MYO6: variants seen among roughly 807,000 people sequenced by gnomAD.
MYO6 encodes the protein unconventional myosin-VI.
A neutral mutation model predicts 178.7 loss-of-function variants in MYO6; 74 were observed. That is an observed-to-expected ratio of 0.41 (90% CI 0.34 to 0.50). The LOEUF (loss-of-function observed/expected upper bound fraction) is 0.50, where lower values mean the gene tolerates loss of function less well. Among genes scored for constraint, MYO6 ranks in the 20% least tolerant of loss-of-function variants. The pLI is 0.09. For synonymous variants in MYO6, 477 were observed against 504.6 expected (o/e 0.95, Z 0.73); for missense variants, 1,330 against 1,547.4 (o/e 0.86, Z 2.36).
chr6:75,783,298 G>A (rs970380074), intron 1 of MYO6, among the ~76,000 whole-genome samples: 3 of 152,132 alleles, frequency 2.0e-5, no homozygotes, highest in African/African-American at 7.2e-5. Context: ...TTGGGAAATA[G>A]CCTATAGGCA....
At chr6:75,860,947 T>C in intron 14 of MYO6, 76 bp from the exon 15 acceptor site, 1 of 1,093,278 alleles carries the variant, frequency 9.1e-7, no homozygotes, top group Non-Finnish European at 1.4e-6. Flanking sequence ...TTAGCAAATG[T>C]TATGTTCAGA....
Position 75,916,978 on chromosome 6 carries a change from A to G in MYO6, c.*1966A>G, listed in dbSNP as rs1781156175. The G allele has an allele frequency of 6.6e-6, 1 of 152,228 alleles. No individual in the cohort carries two copies. The highest frequency in any genetic ancestry group is 1.9e-4 in the East Asian group (1 of 5,188). The allele number at this position is 152,228 out of a possible 1,614,324, so 9.4% of individuals were successfully genotyped here. A position where few individuals can be genotyped will look rare whatever the true frequency, so the allele number is the denominator to read the frequency against. ...CACACAGCTGTCCTAGAACTTATCTATTTAAAATAGTTTCCTGAGTTAATT... is the reference window on the plus strand; with the variant it reads ...CACACAGCTGTCCTAGAACTTATCTGTTTAAAATAGTTTCCTGAGTTAATT... On this transcript the variant is annotated 3_prime_UTR_variant, in exon 35 of 35. Coordinates refer to ENST00000369977, the MANE Select transcript of MYO6 (RefSeq NM_004999.4).
rs201810172 is a variant in MYO6 at position 75,817,682 on chromosome 6, A to T, written c.117+18A>T. 4.4e-6 allele frequency: 7 copies of T among 1,598,008 alleles called. No individual in the cohort carries two copies. Among genetic ancestry groups the T allele is most frequent in the South Asian group, 1.1e-5 (1 of 90,714 alleles). ...AAGGCAAGGTGAGTTTCTCAGAAAG[A>T]TGTTGAAATATGATTTCTTTCAAAA... On this transcript the variant is annotated intron_variant, in intron 2 of 34. Coordinates refer to ENST00000369977, the MANE Select transcript of MYO6 (RefSeq NM_004999.4).
intron 10 of MYO6, among the ~76,000 whole-genome samples, chr6:75,846,027 A>C (rs1774701247): frequency 6.6e-6 from 1 of 151,734 alleles, no homozygotes; most frequent in South Asian, 2.1e-4. Context: ...GTTCTGTTTA[A>C]AACATCATAT....
chr6:75,836,830 G>T (rs573094175), intron 7 of MYO6, among the ~76,000 whole-genome samples: 2 of 152,164 alleles, frequency 1.3e-5, no homozygotes, highest in South Asian at 2.1e-4. Flanking sequence ...TGATCCACCC[G>T]CCTTGGCCTC....
At chr6:75,775,297 T>TAAGAGC (rs1468896424) in intron 1 of MYO6, among the ~76,000 whole-genome samples, 6 of 152,150 alleles carry the variant, frequency 3.9e-5, no homozygotes, top group Non-Finnish European at 7.3e-5. Context: ...GCTGAGCAAA[T>TAAGAGC]TCTTCCATAG....
rs1781260324 is a variant in MYO6 at position 75,918,660 on chromosome 6, C to A, written c.*3648C>A. ...AGTAGCACCTACTCTGCTGGGAGCA[C>A]TTCTCTGAGTACGCTTTAGTTCAAT... On this transcript the variant is annotated 3_prime_UTR_variant, in exon 35 of 35. Coordinates refer to ENST00000369977, the MANE Select transcript of MYO6 (RefSeq NM_004999.4). 6.6e-6 allele frequency: 1 copy of A among 152,232 alleles called. No individual in the cohort carries two copies. Among genetic ancestry groups the A allele is most frequent in the African/African-American group, 2.4e-5 (1 of 41,454 alleles). 9.4% of individuals were successfully genotyped at this position (152,232 alleles called of 1,614,324 possible).
intron 30 of MYO6, among the ~76,000 whole-genome samples, chr6:75,898,615 C>T (rs1429154719): frequency 6.6e-6 from 1 of 152,202 alleles, no homozygotes; most frequent in Non-Finnish European, 1.5e-5. Flanking sequence ...CCTTCAAAGT[C>T]ATGGGGATAC....
At chr6:75,829,815 A>G (rs1772890758) in intron 4 of MYO6, among the ~76,000 whole-genome samples, 1 of 152,220 alleles carries the variant, frequency 6.6e-6, no homozygotes, top group Admixed American at 6.5e-5. Flanking sequence ...TTTAACCCAT[A>G]AATGTTCTAG....
In MYO6 at chr6:75,914,783, T is replaced by G. The variant is rs776611146; in HGVS notation, c.3659-30T>G. 4.4e-6 allele frequency: 7 copies of G among 1,602,798 alleles called. No individual in the cohort carries two copies. In the East Asian group the frequency reaches 8.9e-5, roughly 20 times the overall value. ...TAAGAAATGGTCCTGAAGAGAGAGA[T>G]GGTAATTTTCTGATATCTCATGAAT... On this transcript the variant is annotated intron_variant, in intron 34 of 34. Transcript: ENST00000369977.
chr6:75,844,132 T>C (rs1774505521), intron 9 of MYO6, among the ~76,000 whole-genome samples: 1 of 152,174 alleles, frequency 6.6e-6, no homozygotes, highest in South Asian at 2.1e-4. Context: ...ATAGCAAATA[T>C]GTTCATTCAC....
chr6:75,874,744 C>G (rs1777437324), intron 20 of MYO6, among the ~76,000 whole-genome samples: 1 of 152,188 alleles, frequency 6.6e-6, no homozygotes, highest in Non-Finnish European at 1.5e-5. Context: ...TCTCTTACAG[C>G]TACCTCTTCC....
chr6:75,788,251 C>G (rs867303850), intron 1 of MYO6, among the ~76,000 whole-genome samples: 6 of 151,326 alleles, frequency 4.0e-5, no homozygotes, highest in African/African-American at 1.5e-4. Flanking sequence ...GTGGTCCCAG[C>G]TACTTGGAAG....
At chr6:75,907,875 C>G (rs1427234486) in intron 31 of MYO6, among the ~76,000 whole-genome samples, 167 bp downstream of exon 31, 3 of 151,746 alleles carry the variant, frequency 2.0e-5, no homozygotes, top group African/African-American at 7.3e-5. Context: ...CATGAATGCA[C>G]AGTAACAAAT....
chr6:75,850,553 T>TAA (rs1347093778), intron 11 of MYO6, among the ~76,000 whole-genome samples: 1 of 152,342 alleles, frequency 6.6e-6, no homozygotes, highest in East Asian at 1.9e-4. Context: ...ATGAACAGAC[T>TAA]AAAACAGATG....
At chr6:75,881,042 A>G (rs1332502395) in intron 22 of MYO6, among the ~76,000 whole-genome samples, 2 of 152,158 alleles carry the variant, frequency 1.3e-5, no homozygotes, top group Non-Finnish European at 2.9e-5. Flanking sequence ...GCTTGGTTCC[A>G]GGAGTTTGAG....
intron 1 of MYO6, among the ~76,000 whole-genome samples, chr6:75,783,118 T>C (rs1451317267): frequency 6.6e-6 from 1 of 152,018 alleles, no homozygotes; most frequent in Non-Finnish European, 1.5e-5. Context: ...GGTCTTGCTA[T>C]GTTGCCCAAG....
intron 1 of MYO6, among the ~76,000 whole-genome samples, chr6:75,757,386 TA>T (rs1759926234): frequency 1.3e-5 from 2 of 149,230 alleles, no homozygotes; most frequent in Non-Finnish European, 3.0e-5. Flanking sequence ...TATATATGTA[TA>T]CACATATATA....
chr6:75,759,676 C>T (rs1487647268), intron 1 of MYO6, among the ~76,000 whole-genome samples: 2 of 151,806 alleles, frequency 1.3e-5, no homozygotes, highest in Non-Finnish European at 2.9e-5. Context: ...TTATTTAGAA[C>T]CTTTGGGGAT....
Sources: gnomAD v4.1 joint callset for allele counts (sites outside exome capture counted in the v4.1 genomes callset) on GRCh38, gnomAD v4.1.1 for gene constraint, MANE v1.5 for transcripts, NCBI Gene and HGNC (gene_info 2026-07-23, HGNC 2026-07-21) for gene names.